Variants in SLC2A14 observed in about 807,000 individuals in gnomAD.
SLC2A14 encodes the protein solute carrier family 2 member 14.
In SLC2A14, 13 loss-of-function variants were observed where a neutral mutation model predicts 43.0. The observed-to-expected ratio is 0.30, with a 90% confidence interval of 0.20 to 0.48. SLC2A14 has a LOEUF of 0.48. SLC2A14 is among the 20% of genes least tolerant of loss of function. SLC2A14 has a pLI of 0.99. For missense variants in SLC2A14, 428 were observed against 620.4 expected (o/e 0.69, Z 3.29); for synonymous variants, 190 against 233.8 (o/e 0.81, Z 1.71).
chr12:7,828,632 G>T, intron 6 of SLC2A14, 72 bp downstream of exon 6: 1 of 1,470,612 alleles, frequency 6.8e-7, no homozygotes, highest in Non-Finnish European at 9.4e-7. Flanking sequence ...ACAGAAAATA[G>T]ATCCAGTACC....
At chr12:7,875,064 AT>A (rs1318832148), upstream of SLC2A14, among the ~76,000 whole-genome samples, 35 of 100,594 alleles carry the variant, frequency 3.5e-4, no homozygotes, top group East Asian at 7.2e-3. Context: ...TAAATTATAT[AT>A]TAAATATTAT....
chr12:7,859,916 T>C (rs1344453654), intron 2 of SLC2A14, among the ~76,000 whole-genome samples: 3 of 152,042 alleles, frequency 2.0e-5, no homozygotes, highest in Non-Finnish European at 2.9e-5. Flanking sequence ...ATATGGACCT[T>C]GAAAGATGAA....
At chr12:7,826,985 TTTC>T (rs1864506419) in intron 7 of SLC2A14, among the ~76,000 whole-genome samples, 1 of 8,980 alleles carries the variant, frequency 1.1e-4, no homozygotes, top group Non-Finnish European at 2.8e-4. Context: ...CTTTCTCTCC[TTTC>T]TCTCTTTCTC....
At chr12:7,818,171 G>A in intron 9 of SLC2A14, 137 bp from the exon 10 acceptor site, 1 of 792,908 alleles carries the variant, frequency 1.3e-6, no homozygotes, top group Admixed American at 3.1e-5. Flanking sequence ...CAAAAGGCTT[G>A]GATTTATTTT....
At chr12:7,867,095 C>T (rs376610024) in intron 2 of SLC2A14, among the ~76,000 whole-genome samples, 2 of 151,342 alleles carry the variant, frequency 1.3e-5, no homozygotes, top group Admixed American at 1.3e-4. Flanking sequence ...CTGGCTAACA[C>T]GGTGAAACCC....
At chr12:7,826,864 T>TCCTTC (rs71457018) in intron 7 of SLC2A14, among the ~76,000 whole-genome samples, 3,564 of 40,146 alleles carry the variant, frequency 0.089, 561 homozygotes, top group Non-Finnish European at 0.1. Flanking sequence ...CTTTCTTTTT[T>TCCTTC]CTTTCTTTCT....
chr12:7,889,080 G>A (rs1397187449), intron 1 of SLC2A14, among the ~76,000 whole-genome samples: 1 of 151,980 alleles, frequency 6.6e-6, no homozygotes, highest in Non-Finnish European at 1.5e-5. Flanking sequence ...ACAGGAAAAG[G>A]GTCCTGATCC....
intron 1 of SLC2A14, among the ~76,000 whole-genome samples, chr12:7,880,968 G>A (rs759651697): frequency 8.8e-4 from 134 of 152,216 alleles, no homozygotes; most frequent in South Asian, 2.1e-3. Context: ...GGTGAAACTC[G>A]TCTCTACTAA....
chr12:7,837,689 T>C (rs1243218681), intron 2 of SLC2A14, among the ~76,000 whole-genome samples: 7 of 150,418 alleles, frequency 4.7e-5, no homozygotes, highest in Admixed American at 2.0e-4. Context: ...TTTCTTCTTT[T>C]TTTTTTTTTG....
Position 7,872,855 on chromosome 12 carries a change from C to T in SLC2A14, c.-106G>A. 2.0e-6 allele frequency: 2 copies of T among 985,576 alleles called. No individual in the cohort carries two copies. The highest frequency in any genetic ancestry group is 2.4e-6 in the Non-Finnish European group (2 of 830,050). The allele number at this position is 985,576 out of a possible 1,614,324, so 61.1% of individuals were successfully genotyped here. On this transcript the variant is annotated 5_prime_UTR_variant, in exon 1 of 11. In the 5' UTR this introduces an upstream ATG that the reference lacks. Coordinates refer to ENST00000431042, the MANE Select transcript of SLC2A14 (RefSeq NM_001286234.2). ...TGGGCCCCGCGGCTTCGCTCAACCA[C>T]GCACCTCCCGGGCCGCTGCGCCCCC...
intron 4 of SLC2A14, chr12:7,831,226 A>G: frequency 6.0e-6 from 1 of 165,786 alleles, no homozygotes; most frequent in Non-Finnish European, 1.2e-5. Context: ...GAGGTAACAA[A>G]AACATTTATA....
intron 10 of SLC2A14, among the ~76,000 whole-genome samples, chr12:7,815,606 C>T (rs192717679): frequency 2.6e-4 from 40 of 152,046 alleles, no homozygotes; most frequent in African/African-American, 9.2e-4. Flanking sequence ...GACGGAGTTT[C>T]GCTCTTGTTG....
rs184612216 is a variant in SLC2A14, at chr12:7,849,108, G to A, written c.19-16294C>T. ...ACCTCAGGGTAGTCAGCCCACCTCC[G>A]TCTCCCAAAGTGCTGGGATTACTGG... is the stretch of plus-strand genomic sequence containing the variant. On this transcript the variant is annotated intron_variant, in intron 2 of 10. Coordinates refer to ENST00000431042, the MANE Select transcript of SLC2A14 (RefSeq NM_001286234.2). 4.3e-3 allele frequency among the ~76,000 whole-genome samples: 647 copies of A among 150,260 alleles called. 6 individuals are homozygous for A. Among genetic ancestry groups the A allele is most frequent in the African/African-American group, 0.015 (610 of 41,004 alleles).
At chr12:7,825,755 CCT>C (rs1316120316) in intron 7 of SLC2A14, among the ~76,000 whole-genome samples, 1 of 119,388 alleles carries the variant, frequency 8.4e-6, no homozygotes, top group Non-Finnish European at 1.6e-5. Context: ...AAGTGAGACT[CCT>C]CTGTCTCACA....
upstream of SLC2A14, chr12:7,872,974 G>A: frequency 2.0e-6 from 2 of 985,486 alleles, no homozygotes; most frequent in Non-Finnish European, 2.4e-6. Context: ...TACAAAACGT[G>A]ACTCGGTTCA....
At position 7,828,788 on chromosome 12, in the gene SLC2A14, G is replaced by A. The variant is rs758291361; in HGVS notation, c.592C>T (p.Leu198=). ...LLGFTILPAI[L]QSAALPCCPE... ...CAACATGGAAGGGCTGCACTTTGCAGGATAGCTGGAAGGATGGTAAAGCCT... is the reference window on the plus strand; with the variant it reads ...CAACATGGAAGGGCTGCACTTTGCAAGATAGCTGGAAGGATGGTAAAGCCT... The change falls in exon 6 of 11, where the codon CTG becomes TTG. Residue 198 remains leucine, a synonymous_variant. Transcript: ENST00000431042. 5 of 1,614,166 alleles carry A rather than the reference G, an allele frequency of 3.1e-6. No individual in the cohort carries two copies. The highest frequency in any genetic ancestry group is 1.3e-5 in the African/African-American group (1 of 75,040).
intron 2 of SLC2A14, among the ~76,000 whole-genome samples, chr12:7,868,467 C>T (rs1476284761): frequency 6.6e-6 from 1 of 152,120 alleles, no homozygotes; most frequent in Non-Finnish European, 1.5e-5. Context: ...TTAGAATAAT[C>T]AAAATCCTCC....
intron 7 of SLC2A14, among the ~76,000 whole-genome samples, chr12:7,826,113 C>G (rs994831360): frequency 1.3e-5 from 2 of 152,002 alleles, no homozygotes; most frequent in Non-Finnish European, 2.9e-5. Context: ...GCACATTTTT[C>G]TCCAGTAATA....
At chr12:7,886,747 G>C (rs1442246194) in intron 1 of SLC2A14, among the ~76,000 whole-genome samples, 10 of 151,956 alleles carry the variant, frequency 6.6e-5, no homozygotes, top group Admixed American at 4.6e-4. Flanking sequence ...TGTCAGTGTA[G>C]GGGACCTAAG....
Sources: allele counts gnomAD v4.1 joint callset (sites outside exome capture counted in the v4.1 genomes callset), GRCh38; gene constraint gnomAD v4.1.1; transcripts MANE v1.5; gene names NCBI Gene and HGNC (gene_info 2026-07-23, HGNC 2026-07-21).